CASP6: variants seen among roughly 807,000 people sequenced by gnomAD.
The protein encoded by CASP6 is caspase-6.
A neutral mutation model predicts 31.8 loss-of-function variants in CASP6; 20 were observed. The observed-to-expected ratio is 0.63, with a 90% CI of 0.44 to 0.91. CASP6 has a LOEUF of 0.91. Among genes scored for constraint, CASP6 ranks in the 40% least tolerant of loss-of-function variants. The probability of loss-of-function intolerance (pLI) is 0.00; values close to 1 mark genes in which losing one functional copy is unlikely to be tolerated. For missense variants in CASP6, 328 were observed against 361.1 expected (o/e 0.91, Z 0.74); for synonymous variants, 130 against 127.8 (o/e 1.02, Z -0.12).
chr4:109,682,679 G>A, the CASP6 span: 5 of 1,613,538 alleles, frequency 3.1e-6, no homozygotes, highest in Admixed American at 1.7e-5. Flanking sequence ...CTCAGAAAAA[G>A]AGAGAGCACC....
chr4:109,669,089 T>C, the CASP6 span, among the ~76,000 whole-genome samples: 1 of 152,090 alleles, frequency 6.6e-6, no homozygotes, highest in African/African-American at 2.4e-5. Context: ...AAAATAAAGG[T>C]TTTTATTTTA....
upstream of CASP6, among the ~76,000 whole-genome samples, chr4:109,707,381 T>G (rs1019399237): frequency 5.4e-5 from 8 of 149,132 alleles, no homozygotes; most frequent in African/African-American, 2.0e-4. Context: ...TGGAGGTAAC[T>G]CCTGGATTTT....
the CASP6 span, chr4:109,682,610 G>C: frequency 6.2e-7 from 1 of 1,613,098 alleles, no homozygotes; most frequent in Non-Finnish European, 8.5e-7. Flanking sequence ...ACACTGCTGA[G>C]ATGGAACACA....
chr4:109,703,521 G>A (rs891745526), upstream of CASP6: 2 of 1,226,378 alleles, frequency 1.6e-6, no homozygotes, highest in African/African-American at 1.6e-5. Flanking sequence ...GGGGCCAGTT[G>A]GTTCTGATTG....
Position 109,697,698 on chromosome 4 carries a change from G to A in CASP6, c.154C>T (p.His52Tyr). The A allele has an allele frequency of 1.2e-6, 2 of 1,614,020 alleles. No homozygotes were observed. Among genetic ancestry groups the A allele is most frequent in the Non-Finnish European group, 1.7e-6 (2 of 1,179,966 alleles). ...RRRGIALIFN[H>Y]ERFFWHLTLP... ...GTTAAGTGCCAAAAGAACCTCTCAT[G>A]ATTGAAGATTAAAGCAATTCCTCTC... Residue 52 changes from histidine (H) to tyrosine (Y), a missense_variant, in exon 3 of 7, where the codon CAT becomes TAT. Coordinates refer to ENST00000265164, the MANE Select transcript of CASP6 (RefSeq NM_001226.4).
chr4:109,705,813 A>AT (rs1255793390), upstream of CASP6, among the ~76,000 whole-genome samples: 564 of 139,138 alleles, frequency 4.1e-3, 4 homozygotes, highest in Non-Finnish European at 5.5e-3. Context: ...TGTCTCTACA[A>AT]TTTTTTTTTT....
the CASP6 span, among the ~76,000 whole-genome samples, chr4:109,678,930 C>A: frequency 2.0e-5 from 3 of 146,642 alleles, no homozygotes; most frequent in African/African-American, 8.0e-5. Flanking sequence ...CTCCTCACAT[C>A]CCAGACAGGG....
intron 4 of CASP6, 95 bp from the exon 5 acceptor site, chr4:109,694,795 A>G (rs1730186574): frequency 8.4e-7 from 1 of 1,196,998 alleles, no homozygotes; most frequent in Non-Finnish European, 1.1e-6. Flanking sequence ...ATAAAGTTAC[A>G]TCCACATGAT....
chr4:109,706,381 C>T (rs539203008), upstream of CASP6, among the ~76,000 whole-genome samples: 2 of 151,640 alleles, frequency 1.3e-5, no homozygotes, highest in East Asian at 3.9e-4. Context: ...TGCATTGTTG[C>T]CATCTCATGA....
At chr4:109,705,515 GTCA>G (rs1730573838), upstream of CASP6, among the ~76,000 whole-genome samples, 1 of 152,092 alleles carries the variant, frequency 6.6e-6, no homozygotes, top group African/African-American at 2.4e-5. Context: ...GGCTATAGCT[GTCA>G]TCATGATTCC....
At chr4:109,675,619 A>C in the CASP6 span, among the ~76,000 whole-genome samples, 1 of 152,154 alleles carries the variant, frequency 6.6e-6, no homozygotes, top group African/African-American at 2.4e-5. Flanking sequence ...CTGTACTTTG[A>C]GTATGTTTCC....
the CASP6 span, among the ~76,000 whole-genome samples, chr4:109,668,168 G>T: frequency 6.6e-6 from 1 of 152,088 alleles, no homozygotes; most frequent in Non-Finnish European, 1.5e-5. Context: ...TGGTGCTATT[G>T]AGTTCAACTG....
At chr4:109,681,022 C>T in the CASP6 span, among the ~76,000 whole-genome samples, 10 of 152,244 alleles carry the variant, frequency 6.6e-5, no homozygotes, top group Non-Finnish European at 5.9e-5. Flanking sequence ...ACTCTGAAAC[C>T]GTAACTCCTG....
chr4:109,707,075 G>C (rs935198681), upstream of CASP6, among the ~76,000 whole-genome samples: 8 of 152,212 alleles, frequency 5.3e-5, no homozygotes, highest in South Asian at 8.3e-4. Context: ...GCATCTTTTA[G>C]CAATATTTTA....
the CASP6 span, among the ~76,000 whole-genome samples, chr4:109,668,698 G>GTT: frequency 2.1e-5 from 3 of 141,398 alleles, no homozygotes; most frequent in African/African-American, 7.7e-5. Context: ...TGTTGCCACT[G>GTT]TTTTTTTTTT....
At chr4:109,677,057 G>C in the CASP6 span, among the ~76,000 whole-genome samples, 1 of 152,236 alleles carries the variant, frequency 6.6e-6, no homozygotes, top group African/African-American at 2.4e-5. Flanking sequence ...ATGGGGGCAG[G>C]ACTGCCCAAG....
At chr4:109,703,489 C>T, upstream of CASP6, 3 of 1,492,378 alleles carry the variant, frequency 2.0e-6, no homozygotes, top group Non-Finnish European at 2.7e-6. Flanking sequence ...CCTCGGCGGC[C>T]CCGCCCCCTG....
chr4:109,689,164 A>G lies in CASP6; in HGVS notation c.*166T>C. The stretch of plus-strand genomic sequence containing the variant: ...CTAAATTTTTTTTTGCATTTTTAGT[A>G]GAGACGGGGCTTCTCCATGTTGGTC... On this transcript the variant is annotated 3_prime_UTR_variant, in exon 7 of 7. Coordinates refer to ENST00000265164, the MANE Select transcript of CASP6 (RefSeq NM_001226.4). 4.9e-6 allele frequency: 3 copies of G among 617,628 alleles called. No homozygotes were observed. The highest frequency in any genetic ancestry group is 8.6e-6 in the Non-Finnish European group (3 of 348,132). 38.3% of individuals were successfully genotyped at this position (617,628 alleles called of 1,614,324 possible). A position where few individuals can be genotyped will look rare whatever the true frequency, so the allele number is the denominator to read the frequency against.
At chr4:109,706,032 A>ATATATATAAT (rs1419095475), upstream of CASP6, among the ~76,000 whole-genome samples, 1 of 93,832 alleles carries the variant, frequency 1.1e-5, no homozygotes, top group Non-Finnish European at 2.1e-5. Context: ...ATATATATAT[A>ATATATATAAT]ATATATATAA....
Sources: allele counts gnomAD v4.1 joint callset (sites outside exome capture counted in the v4.1 genomes callset), GRCh38; gene constraint gnomAD v4.1.1; transcripts MANE v1.5; gene names NCBI Gene and HGNC (gene_info 2026-07-23, HGNC 2026-07-21).